The following DDX31 variants were observed in gnomAD, a reference collection of about 807,000 sequenced individuals.
The protein encoded by DDX31 is ATP-dependent DNA helicase DDX31.
In DDX31, 70 loss-of-function variants were observed where a neutral mutation model predicts 91.3. That is an observed-to-expected ratio of 0.77 (90% CI 0.63 to 0.94). The LOEUF is 0.94. Among genes scored for constraint, DDX31 ranks in the 40% least tolerant of loss-of-function variants. The probability of loss-of-function intolerance (pLI) is 0.00; values close to 1 mark genes in which losing one functional copy is unlikely to be tolerated. For synonymous variants in DDX31, 362 were observed against 350.6 expected (o/e 1.03, Z -0.36); for missense variants, 902 against 925.0 (o/e 0.98, Z 0.32).
intron 13 of DDX31, among the ~76,000 whole-genome samples, chr9:132,644,540 A>G (rs560499737): frequency 6.6e-6 from 1 of 152,190 alleles, no homozygotes; most frequent in Non-Finnish European, 1.5e-5. Flanking sequence ...ACAGCTATAA[A>G]CAGCACGCTA....
intron 19 of DDX31, among the ~76,000 whole-genome samples, chr9:132,608,829 CTT>C (rs993451091): frequency 6.6e-6 from 1 of 152,142 alleles, no homozygotes; most frequent in African/African-American, 2.4e-5. Context: ...GTTTAATGGA[CTT>C]TTCTTTCCAG....
intron 6 of DDX31, among the ~76,000 whole-genome samples, chr9:132,652,884 T>TGGGA (rs1329396388): frequency 6.6e-6 from 1 of 152,198 alleles, no homozygotes; most frequent in Non-Finnish European, 1.5e-5. Context: ...GCCATGATTA[T>TGGGA]GAGACCTCCC....
At chr9:132,662,920 C>G (rs568405370) in intron 1 of DDX31, among the ~76,000 whole-genome samples, 13 of 152,260 alleles carry the variant, frequency 8.5e-5, no homozygotes, top group African/African-American at 3.1e-4. Context: ...CACTCATCTA[C>G]CAGACCTCAC....
At chr9:132,627,043 G>T (rs1832439049) in intron 16 of DDX31, among the ~76,000 whole-genome samples, 1 of 152,120 alleles carries the variant, frequency 6.6e-6, no homozygotes, top group Non-Finnish European at 1.5e-5. Flanking sequence ...GAGGGAAGGT[G>T]AAAACAGAGC....
chr9:132,648,146 T>C (rs950985580), intron 11 of DDX31, 43 bp downstream of exon 11: 1 of 1,513,630 alleles, frequency 6.6e-7, no homozygotes, highest in African/African-American at 1.4e-5. Flanking sequence ...TCCTTCCTCT[T>C]CATTAAGAAC....
intron 18 of DDX31, among the ~76,000 whole-genome samples, chr9:132,615,993 A>G (rs1831602176): frequency 6.6e-6 from 1 of 152,264 alleles, no homozygotes; most frequent in African/African-American, 2.4e-5. Context: ...AAGCAAGTCA[A>G]TAGTGGGGAA....
At chr9:132,621,600 G>C (rs992803604) in intron 17 of DDX31, among the ~76,000 whole-genome samples, 1 of 152,154 alleles carries the variant, frequency 6.6e-6, no homozygotes, top group African/African-American at 2.4e-5. Flanking sequence ...GAGGTGTCTG[G>C]CTATCTGAAC....
Position 132,632,239 on chromosome 9 carries a change from T to TAC in DDX31, c.1441-149_1441-148insGT, listed in dbSNP as rs1491406800. The TAC allele has an allele frequency of 4.0e-3, 215 of 53,476 alleles. 7 individuals carry two copies. The highest frequency in any genetic ancestry group is 8.0e-3 in the South Asian group (27 of 3,358). 3.3% of individuals were successfully genotyped at this position (53,476 alleles called of 1,614,324 possible). ...GGCATACACGTATATGCCCAGTACG[T>TAC]GTACACACACACACACACACACACA... On this transcript the variant is annotated intron_variant, in intron 14 of 19. Transcript: ENST00000372159.
chr9:132,632,241 T>TGTACACACACAC lies in DDX31; in HGVS notation c.1441-151_1441-150insGTGTGTGTGTAC, dbSNP rs1466872933. 97 of 94,136 alleles carry TGTACACACACAC rather than the reference T, an allele frequency of 1.0e-3. 2 individuals carry two copies. Among genetic ancestry groups the TGTACACACACAC allele is most frequent in the Non-Finnish European group, 1.0e-3 (54 of 51,994 alleles). The allele number at this position is 94,136 out of a possible 1,614,324, so 5.8% of individuals were successfully genotyped here. Reference sequence around the variant, plus strand: ...CATACACGTATATGCCCAGTACGTGTACACACACACACACACACACACACA... The same window carrying TGTACACACACAC: ...CATACACGTATATGCCCAGTACGTGTGTACACACACACACACACACACACACACACACACACA... On this transcript the variant is annotated intron_variant, in intron 14 of 19. Coordinates refer to ENST00000372159, the MANE Select transcript of DDX31 (RefSeq NM_022779.9).
intron 12 of DDX31, 92 bp from the exon 13 acceptor site, chr9:132,646,163 C>T: frequency 7.6e-7 from 1 of 1,308,870 alleles, no homozygotes; most frequent in Non-Finnish European, 1.0e-6. Context: ...GTCATGCTGA[C>T]CCCCATTTGG....
At chr9:132,656,734 T>C (rs1233503235) in intron 6 of DDX31, among the ~76,000 whole-genome samples, 1 of 152,210 alleles carries the variant, frequency 6.6e-6, no homozygotes, top group Non-Finnish European at 1.5e-5. Flanking sequence ...AGAGTTAGGC[T>C]AGAACTGTAT....
Position 132,594,798 on chromosome 9 carries a change from A to T in DDX31, c.*68T>A. 1 of 1,582,040 alleles carries T rather than the reference A, an allele frequency of 6.3e-7. No homozygotes were observed. Among genetic ancestry groups the T allele is most frequent in the South Asian group, 1.2e-5 (1 of 86,366 alleles). Reference sequence around the variant, plus strand: ...AGTTATTTTTCACAAGCCTCCTCTGACAAGAACTGGACATCAATCCACTGC... The same window carrying T: ...AGTTATTTTTCACAAGCCTCCTCTGTCAAGAACTGGACATCAATCCACTGC... On this transcript the variant is annotated 3_prime_UTR_variant, in exon 20 of 20. Transcript: ENST00000372159.
chr9:132,648,772 C>T (rs1473569689), intron 9 of DDX31, among the ~76,000 whole-genome samples: 1 of 152,166 alleles, frequency 6.6e-6, no homozygotes, highest in Non-Finnish European at 1.5e-5. Context: ...ACATTAAAAT[C>T]ATAAAACTTT....
chr9:132,609,778 C>A (rs1411283444), intron 19 of DDX31, among the ~76,000 whole-genome samples: 1 of 152,130 alleles, frequency 6.6e-6, no homozygotes, highest in African/African-American at 2.4e-5. Flanking sequence ...CCTGTCACCA[C>A]GCCTGGCTGA....
chr9:132,618,862 T>C (rs1469628121), intron 17 of DDX31, among the ~76,000 whole-genome samples: 3 of 152,202 alleles, frequency 2.0e-5, no homozygotes, highest in African/African-American at 4.8e-5. Context: ...CAATTTCTCT[T>C]CATGAGCACT....
chr9:132,632,929 T>G (rs1450046350), intron 14 of DDX31, among the ~76,000 whole-genome samples: 1 of 152,152 alleles, frequency 6.6e-6, no homozygotes, highest in African/African-American at 2.4e-5. Flanking sequence ...AAGTGGGAAT[T>G]TCCCTGACTT....
rs1322074207 is a variant in DDX31 at position 132,595,323 on chromosome 9, A to G, written c.1995-211T>C. Among the ~76,000 whole-genome samples the G allele has an allele frequency of 3.3e-5, 5 of 152,176 alleles. No homozygotes were observed. ...CAGATTTTCATAACAGCGGCAAAAT[A>G]TCATGGCATTTTTAAAAGTGAGGCT... On this transcript the variant is annotated intron_variant, in intron 19 of 19. Transcript: ENST00000372159. This position sits in a 1 kb window ranked among gnomAD's most constrained non-coding sequence, Gnocchi z 4.6.
At position 132,662,258 on chromosome 9, in the gene DDX31, T is replaced by C. The variant is rs778101742; in HGVS notation, c.408+3A>G. 1 of 1,614,166 alleles carries C rather than the reference T, an allele frequency of 6.2e-7. No homozygotes were observed. The highest frequency in any genetic ancestry group is 1.1e-5 in the South Asian group (1 of 91,082). On this transcript the variant is annotated splice_donor_region_variant and intron_variant, in intron 3 of 19. Transcript: ENST00000372159. The stretch of plus-strand genomic sequence containing the variant: ...GACCCAGAAAACACTGAAAGGTACT[T>C]ACTAAATGTGGGTGGAGGCCCAGCT...
At chr9:132,619,882 T>A (rs12375472) in intron 17 of DDX31, among the ~76,000 whole-genome samples, 1 of 147,206 alleles carries the variant, frequency 6.8e-6, no homozygotes, top group South Asian at 2.1e-4. Context: ...TTCCCTGTGT[T>A]TTTTTTTTTT....
Sources: allele counts gnomAD v4.1 joint callset (sites outside exome capture counted in the v4.1 genomes callset), GRCh38; gene constraint gnomAD v4.1.1; non-coding constraint Gnocchi (gnomAD v3.1); transcripts MANE v1.5; gene names NCBI Gene and HGNC (gene_info 2026-07-23, HGNC 2026-07-21).